STPG2: variants seen among roughly 807,000 people sequenced by gnomAD.
The protein encoded by STPG2 is sperm-tail PG-rich repeat-containing protein 2.
STPG2 carries 56 observed loss-of-function variants against 54.2 expected under a neutral mutation model. The observed-to-expected ratio is 1.03, with a 90% confidence interval of 0.83 to 1.29. The LOEUF (loss-of-function observed/expected upper bound fraction) is 1.29, where lower values mean the gene tolerates loss of function less well. Ranked by LOEUF, STPG2 falls within the 50% of genes most tolerant of loss-of-function variation. The pLI is 0.00. For missense variants in STPG2, 596 were observed against 544.9 expected (o/e 1.09, Z -0.93); for synonymous variants, 200 against 181.8 (o/e 1.10, Z -0.81).
intron 10 of STPG2, among the ~76,000 whole-genome samples, chr4:97,709,314 A>C (rs1443217727): frequency 6.6e-6 from 1 of 151,698 alleles, no homozygotes; most frequent in African/African-American, 2.4e-5. Flanking sequence ...AAAATAAGTA[A>C]TAAACTAAAC....
chr4:97,863,517 G>A (rs1228187609), intron 8 of STPG2, among the ~76,000 whole-genome samples: 1 of 152,132 alleles, frequency 6.6e-6, no homozygotes, highest in Non-Finnish European at 1.5e-5. Flanking sequence ...TCTACCAGAG[G>A]TACAAGGAGG....
intron 4 of STPG2, among the ~76,000 whole-genome samples, chr4:97,492,742 A>G (rs1437324020): frequency 6.6e-6 from 1 of 151,148 alleles, no homozygotes; most frequent in African/African-American, 2.4e-5. Flanking sequence ...TGCAAGGTAT[A>G]GGATACTAAA....
intron 10 of STPG2, among the ~76,000 whole-genome samples, chr4:97,612,525 T>C (rs1191131610): frequency 6.6e-6 from 1 of 152,028 alleles, no homozygotes; most frequent in African/African-American, 2.4e-5. Context: ...CTTCAGCTTG[T>C]AGAGGGGAAC....
intron 8 of STPG2, among the ~76,000 whole-genome samples, chr4:97,875,286 T>C (rs1022385585): frequency 1.2e-4 from 18 of 151,898 alleles, no homozygotes; most frequent in Non-Finnish European, 2.1e-4. Flanking sequence ...TGTTTTTCCA[T>C]AGCGGCTATA....
chr4:98,026,021 G>GAA, intron 5 of STPG2: 1 of 1,038,248 alleles, frequency 9.6e-7, no homozygotes, highest in Non-Finnish European at 1.5e-6. Context: ...TTACATGTAA[G>GAA]ATGAAGATAA....
intron 4 of STPG2, among the ~76,000 whole-genome samples, chr4:97,537,823 C>G (rs1315578885): frequency 6.6e-6 from 1 of 152,102 alleles, no homozygotes; most frequent in Non-Finnish European, 1.5e-5. Flanking sequence ...CCTCACATGG[C>G]CAGGTACCCT....
intron 8 of STPG2, among the ~76,000 whole-genome samples, chr4:97,884,878 C>T (rs537704219): frequency 1.3e-5 from 2 of 152,106 alleles, no homozygotes; most frequent in African/African-American, 2.4e-5. Flanking sequence ...TTCCTTCTCA[C>T]GGTTCAAATT....
Position 97,930,318 on chromosome 4 carries a change from A to G in STPG2, c.1044+13579T>C, listed in dbSNP as rs113532381. ...GCGTTTTTAGAATTTTGGGTTGCACATGTAAGTCTTTAATCATCTTGAGTT... is the reference window on the plus strand; with the variant it reads ...GCGTTTTTAGAATTTTGGGTTGCACGTGTAAGTCTTTAATCATCTTGAGTT... On this transcript the variant is annotated intron_variant, in intron 8 of 10. Transcript: ENST00000295268. Among the ~76,000 whole-genome samples, 7 of 152,330 alleles carry G rather than the reference A, an allele frequency of 4.6e-5. No individual in the cohort carries two copies. In the East Asian group the frequency reaches 1.3e-3, roughly 29 times the overall value.
intron 9 of STPG2, among the ~76,000 whole-genome samples, chr4:97,742,124 A>G (rs866586174): frequency 3.9e-5 from 6 of 152,000 alleles, no homozygotes; most frequent in Admixed American, 3.9e-4. Flanking sequence ...AAAAAAAACC[A>G]AACACCGCAT....
chr4:97,604,990 T>C (rs144442435), intron 10 of STPG2, among the ~76,000 whole-genome samples: 3,540 of 151,780 alleles, frequency 0.023, 86 homozygotes, highest in Middle Eastern at 0.068. Context: ...CTCTAAAAAA[T>C]AAACCAAAGC....
chr4:97,759,176 G>T (rs1459108986), intron 9 of STPG2, among the ~76,000 whole-genome samples: 1 of 152,140 alleles, frequency 6.6e-6, no homozygotes, highest in Non-Finnish European at 1.5e-5. Flanking sequence ...TGGGAGTCAT[G>T]AGAAAGAATG....
At chr4:97,602,887 A>G (rs1458762424) in intron 10 of STPG2, among the ~76,000 whole-genome samples, 2 of 151,774 alleles carry the variant, frequency 1.3e-5, no homozygotes, top group African/African-American at 4.8e-5. Context: ...AAGGATAGAA[A>G]AAACAAAATA....
intron 8 of STPG2, among the ~76,000 whole-genome samples, chr4:97,849,741 G>C (rs1482260506): frequency 1.3e-5 from 2 of 151,300 alleles, no homozygotes; most frequent in African/African-American, 4.8e-5. Flanking sequence ...ACACCAGTTA[G>C]AATGGCAAGC....
At chr4:97,745,879 C>T (rs1342451468) in intron 9 of STPG2, among the ~76,000 whole-genome samples, 1 of 151,178 alleles carries the variant, frequency 6.6e-6, no homozygotes, top group Non-Finnish European at 1.5e-5. Context: ...CATTTCAATA[C>T]TTGTAGAAAA....
intron 9 of STPG2, among the ~76,000 whole-genome samples, chr4:97,809,773 A>T (rs1029989899): frequency 1.3e-5 from 2 of 152,152 alleles, no homozygotes; most frequent in Non-Finnish European, 2.9e-5. Flanking sequence ...CAACATCTTG[A>T]TTTCAACATT....
rs572921036 is a variant in STPG2 at position 97,944,022 on chromosome 4, G to T, written c.934-15C>A. The T allele has an allele frequency of 1.1e-4, 171 of 1,540,976 alleles. 3 individuals carry two copies. In the South Asian group the frequency reaches 1.8e-3, roughly 16 times the overall value. On this transcript the variant is annotated splice_polypyrimidine_tract_variant and intron_variant, in intron 7 of 10. Transcript: ENST00000295268. ...TGCCAAAATTCCTGTTGAAAGAAGG[G>T]GTTAAAAAGAGTACATCATTTATTT...
chr4:97,891,513 A>G (rs1040056438), intron 8 of STPG2, among the ~76,000 whole-genome samples: 5 of 152,122 alleles, frequency 3.3e-5, no homozygotes, highest in Admixed American at 3.3e-4. Flanking sequence ...ATATCTAAAT[A>G]GCAAGAACAA....
chr4:97,567,684 G>T (rs968882661), intron 10 of STPG2, among the ~76,000 whole-genome samples: 2 of 151,802 alleles, frequency 1.3e-5, no homozygotes, highest in African/African-American at 4.8e-5. Flanking sequence ...AGTTTTCTAT[G>T]AATTGATATG....
At chr4:97,922,410 T>A (rs1732143834) in intron 8 of STPG2, among the ~76,000 whole-genome samples, 1 of 152,176 alleles carries the variant, frequency 6.6e-6, no homozygotes, top group Admixed American at 6.5e-5. Flanking sequence ...ATGGCCTGAC[T>A]AAATTTGGCC....
Sources: gnomAD v4.1 joint callset for allele counts (sites outside exome capture counted in the v4.1 genomes callset) on GRCh38, gnomAD v4.1.1 for gene constraint, MANE v1.5 for transcripts, NCBI Gene and HGNC (gene_info 2026-07-23, HGNC 2026-07-21) for gene names.